C19orf12: variants seen among roughly 807,000 people sequenced by gnomAD.
C19orf12 encodes the protein chromosome 19 open reading frame 12.
C19orf12 carries 2 observed loss-of-function variants against 3.8 expected under a neutral mutation model. The ratio of observed to expected loss-of-function variants is 0.53; its 90% confidence interval spans 0.22 to 1.66. The LOEUF (loss-of-function observed/expected upper bound fraction) is 1.66. Ranked by LOEUF, C19orf12 falls within the 40% of genes most tolerant of loss-of-function variation. The pLI is 0.20. For synonymous variants in C19orf12, 89 were observed against 84.6 expected (o/e 1.05, Z -0.28); for missense variants, 156 against 188.8 (o/e 0.83, Z 1.02).
rs886054311 is a variant in C19orf12, at chr19:29,699,192, G to A, written c.*3520C>T. ...TTAGAAATATACATACATAGGCCGG[G>A]CGCAGTGGCTCACGCCTGTAATCCC... On this transcript the variant is annotated 3_prime_UTR_variant, in exon 3 of 3. Coordinates refer to ENST00000323670, the MANE Select transcript of C19orf12 (RefSeq NM_031448.6). 4.4e-6 allele frequency: 2 copies of A among 453,908 alleles called. No individual in the cohort carries two copies. The highest frequency in any genetic ancestry group is 2.4e-5 in the Admixed American group (1 of 42,544). The allele number at this position is 453,908 out of a possible 1,614,324, so 28.1% of individuals were successfully genotyped here.
rs750451589 is a variant in C19orf12 at position 29,702,520 on chromosome 19, G to A, written c.*192C>T. The A allele has an allele frequency of 9.9e-6, 8 of 804,446 alleles. No homozygotes were observed. The highest frequency in any genetic ancestry group is 8.0e-5 in the East Asian group (3 of 37,684). 49.8% of individuals were successfully genotyped at this position (804,446 alleles called of 1,614,324 possible). ...GCCAGTGCACATGCCACCAACACAT[G>A]CTGCTTCATCAGTAATTTCTGGAAC... On this transcript the variant is annotated 3_prime_UTR_variant, in exon 3 of 3. Transcript: ENST00000323670.
chr19:29,709,058 C>T (rs1184491032), intron 1 of C19orf12, among the ~76,000 whole-genome samples: 1 of 152,220 alleles, frequency 6.6e-6, no homozygotes, highest in Admixed American at 6.5e-5. Flanking sequence ...TCTGAACGAA[C>T]ACTGTTACTA....
At chr19:29,710,348 G>C (rs949230063) in intron 1 of C19orf12, among the ~76,000 whole-genome samples, 2 of 152,164 alleles carry the variant, frequency 1.3e-5, no homozygotes, top group African/African-American at 4.8e-5. Context: ...CTGCGCTCCT[G>C]CCCCTGTAAA....
chr19:29,707,988 C>T (rs550370576), intron 2 of C19orf12, among the ~76,000 whole-genome samples: 38 of 152,038 alleles, frequency 2.5e-4, no homozygotes, highest in Admixed American at 4.6e-4. Flanking sequence ...TCTCCTGCCT[C>T]AGCCTCCCGA....
intron 1 of C19orf12, among the ~76,000 whole-genome samples, chr19:29,712,187 C>T (rs1225370025): frequency 9.2e-5 from 14 of 152,036 alleles, no homozygotes; most frequent in Admixed American, 7.9e-4. Flanking sequence ...GGGCAGATCA[C>T]GAGGTCAAGA....
chr19:29,708,371 G>A lies in C19orf12; in HGVS notation c.43C>T (p.Leu15Phe). The change falls in exon 2 of 3, where the codon CTT becomes TTT. Residue 15 changes from leucine to phenylalanine, a missense_variant. Leu to Phe is a conservative substitution (Grantham distance 22). Transcript: ENST00000323670. ...GCCTTCATCTTCCTCTCCCCAGAAA[G>A]GGAGCACAGCAGCTTCATGATGTCC... ...VEDIMKLLCSLSGERKMKAAV... is the reference protein window; with the variant it reads ...VEDIMKLLCSFSGERKMKAAV... The A allele has an allele frequency of 6.2e-7, 1 of 1,614,158 alleles. No homozygotes were observed. Among genetic ancestry groups the A allele is most frequent in the Non-Finnish European group, 8.5e-7 (1 of 1,180,044 alleles).
chr19:29,715,301 T>C (rs1343727841), upstream of C19orf12: 3 of 394,542 alleles, frequency 7.6e-6, no homozygotes, highest in African/African-American at 6.6e-5. Flanking sequence ...GCGCCGGGCC[T>C]TCCGGGAAGC....
Position 29,699,584 on chromosome 19 carries a change from G to T in C19orf12, c.*3128C>A. 2.2e-6 allele frequency: 1 copy of T among 451,816 alleles called. No individual in the cohort carries two copies. The highest frequency in any genetic ancestry group is 1.6e-5 in the South Asian group (1 of 64,318). 28.0% of individuals were successfully genotyped at this position (451,816 alleles called of 1,614,324 possible). A position where few individuals can be genotyped will look rare whatever the true frequency, so the allele number is the denominator to read the frequency against. On this transcript the variant is annotated 3_prime_UTR_variant, in exon 3 of 3. Coordinates refer to ENST00000323670, the MANE Select transcript of C19orf12 (RefSeq NM_031448.6). ...AAATCTGTTACCAGCAGTTTTCTGG[G>T]TTGTGAAATTTGTAGTTTTTATTTC...
intron 2 of C19orf12, chr19:29,705,401 CCAAA>C: frequency 4.4e-4 from 30 of 68,622 alleles, no homozygotes; most frequent in South Asian, 7.1e-4. Context: ...GATCCTGAAA[CCAAA>C]AAAAAAAAAA....
intron 1 of C19orf12, among the ~76,000 whole-genome samples, chr19:29,710,163 C>T (rs977009268): frequency 6.6e-5 from 10 of 152,178 alleles, no homozygotes; most frequent in African/African-American, 2.4e-4. Flanking sequence ...GGCCACCGTA[C>T]CCAGACATGT....
At chr19:29,703,371 T>C (rs1294658857) in intron 2 of C19orf12, among the ~76,000 whole-genome samples, 1 of 150,582 alleles carries the variant, frequency 6.6e-6, no homozygotes, top group African/African-American at 2.5e-5. Flanking sequence ...CATTTTCTTT[T>C]TCTTTTCTTT....
chr19:29,714,321 C>T (rs951293180), intron 1 of C19orf12, among the ~76,000 whole-genome samples: 3 of 151,942 alleles, frequency 2.0e-5, no homozygotes, highest in East Asian at 1.9e-4. Context: ...GGTGAAACTC[C>T]GTCTCTACTA....
intron 2 of C19orf12, among the ~76,000 whole-genome samples, chr19:29,703,465 C>G (rs1263058159): frequency 1.3e-5 from 2 of 148,588 alleles, no homozygotes; most frequent in Non-Finnish European, 3.0e-5. Context: ...GCTGCAACCT[C>G]TGCCTCCCAG....
At chr19:29,703,015 T>G (rs1972195276) in intron 2 of C19orf12, 38 bp from the exon 3 acceptor site, 1 of 1,613,572 alleles carries the variant, frequency 6.2e-7, no homozygotes, top group Admixed American at 1.7e-5. Flanking sequence ...TGGGTCTTAT[T>G]CATAAGCGAT....
Position 29,702,172 on chromosome 19 carries a change from G to A in C19orf12, c.*540C>T, listed in dbSNP as rs1195326899. On this transcript the variant is annotated 3_prime_UTR_variant, in exon 3 of 3. Coordinates refer to ENST00000323670, the MANE Select transcript of C19orf12 (RefSeq NM_031448.6). ...ACTCAGCAGGCCGCCCGTCCCCTCCGTGGGGCCATTCGACAGTCCCTGGGT... is the reference window on the plus strand; with the variant it reads ...ACTCAGCAGGCCGCCCGTCCCCTCCATGGGGCCATTCGACAGTCCCTGGGT... The A allele has an allele frequency of 3.3e-5, 15 of 453,926 alleles. No homozygotes were observed. The highest frequency in any genetic ancestry group is 7.0e-5 in the Admixed American group (3 of 42,554). 28.1% of individuals were successfully genotyped at this position (453,926 alleles called of 1,614,324 possible). A position where few individuals can be genotyped will look rare whatever the true frequency, so the allele number is the denominator to read the frequency against.
At position 29,700,478 on chromosome 19, in the gene C19orf12, G is replaced by C. The variant is rs1350962721; in HGVS notation, c.*2234C>G. On this transcript the variant is annotated 3_prime_UTR_variant, in exon 3 of 3. Transcript: ENST00000323670. ...ACAAAATTGGGAGGGGGCATGCTCT[G>C]ATTTTCCATTTTTAGTTCCAGGGTC... 2.2e-6 allele frequency: 1 copy of C among 454,128 alleles called. No homozygotes were observed. The highest frequency in any genetic ancestry group is 1.6e-5 in the South Asian group (1 of 64,480). The allele number at this position is 454,128 out of a possible 1,614,324, so 28.1% of individuals were successfully genotyped here.
chr19:29,702,949 G>A lies in C19orf12; in HGVS notation c.189C>T (p.Ala63=). ...GCTTAAACTGTCCACTTGTCATCCA[G>A]GCACCTAACAGCCCCCCGACAGCCC... ...VGGAVGGLLG[A]WMTSGQFKPV... is the part of the protein sequence containing the mutation. The change falls in exon 3 of 3, where the codon GCC becomes GCT. Residue 63 remains alanine (A), a synonymous_variant. Transcript: ENST00000323670. 2 of 1,614,180 alleles carry A rather than the reference G, an allele frequency of 1.2e-6. No individual in the cohort carries two copies. Among genetic ancestry groups the A allele is most frequent in the African/African-American group, 1.3e-5 (1 of 75,036 alleles).
At position 29,699,722 on chromosome 19, in the gene C19orf12, G is replaced by C. The variant is rs753973341; in HGVS notation, c.*2990C>G. The C allele has an allele frequency of 4.4e-6, 2 of 454,042 alleles. No individual in the cohort carries two copies. The highest frequency in any genetic ancestry group is 3.1e-5 in the South Asian group (2 of 64,464). 28.1% of individuals were successfully genotyped at this position (454,042 alleles called of 1,614,324 possible). A position where few individuals can be genotyped will look rare whatever the true frequency, so the allele number is the denominator to read the frequency against. ...AGTTAAAGGAATACACATGAAATTG[G>C]TAACAGTGGCTGCCTCTGGGGTCGG... On this transcript the variant is annotated 3_prime_UTR_variant, in exon 3 of 3. Coordinates refer to ENST00000323670, the MANE Select transcript of C19orf12 (RefSeq NM_031448.6).
intron 2 of C19orf12, chr19:29,705,170 G>A (rs898811590): frequency 1.3e-5 from 3 of 224,892 alleles, no homozygotes; most frequent in African/African-American, 6.9e-5. Context: ...AGACAAGGGA[G>A]AGGGGCATGT....
Sources: gnomAD v4.1 joint callset for allele counts (sites outside exome capture counted in the v4.1 genomes callset) on GRCh38, gnomAD v4.1.1 for gene constraint, MANE v1.5 for transcripts, NCBI Gene and HGNC (gene_info 2026-07-23, HGNC 2026-07-21) for gene names.